TET3: variants seen among roughly 807,000 people sequenced by gnomAD.
TET3 encodes the protein methylcytosine dioxygenase TET3.
A neutral mutation model predicts 141.4 loss-of-function variants in TET3; 19 were observed. The ratio of observed to expected loss-of-function variants is 0.13; its 90% CI spans 0.09 to 0.20. TET3 has a LOEUF of 0.20. TET3 is among the 10% of genes least tolerant of loss of function. The probability of loss-of-function intolerance (pLI) is 1.00; values close to 1 mark genes in which losing one functional copy is unlikely to be tolerated. For missense variants in TET3, 1,874 were observed against 2,356.9 expected (o/e 0.80, Z 4.24); for synonymous variants, 1,043 against 980.9 (o/e 1.06, Z -1.18).
intron 5 of TET3, among the ~76,000 whole-genome samples, chr2:74,076,442 T>TTTTTTTTTTTTTTTTTTTTTG (rs1689511655): frequency 9.5e-5 from 1 of 10,488 alleles, no homozygotes; most frequent in Non-Finnish European, 2.5e-4. Flanking sequence ...TTCCTCTGGG[T>TTTTTTTTTTTTTTTTTTTTTG]TTTTTTTTTT....
chr2:74,035,300 C>A (rs1686986777), intron 3 of TET3, among the ~76,000 whole-genome samples: 1 of 143,712 alleles, frequency 7.0e-6, no homozygotes, highest in Non-Finnish European at 1.5e-5. Flanking sequence ...CCTGTCTCTA[C>A]TAAAAATACA....
At position 73,986,397 on chromosome 2, in the gene TET3, C is replaced by A; in HGVS notation, c.-7C>A. On this transcript the variant is annotated 5_prime_UTR_variant, in exon 2 of 12. Transcript: ENST00000409262. ...CCAGCACCTATGACCCCACCTCTGG[C>A]AGCATCATGAGCCAGTTTCAGGTGC... 8.1e-7 allele frequency: 1 copy of A among 1,232,214 alleles called. No individual in the cohort carries two copies. The allele number at this position is 1,232,214 out of a possible 1,614,324, so 76.3% of individuals were successfully genotyped here. A position where few individuals can be genotyped will look rare whatever the true frequency, so the allele number is the denominator to read the frequency against.
intron 5 of TET3, among the ~76,000 whole-genome samples, chr2:74,074,087 A>C (rs559896627): frequency 1.3e-5 from 2 of 152,298 alleles, no homozygotes; most frequent in Admixed American, 6.5e-5. Flanking sequence ...TACCTCCCCT[A>C]AGAGGAATAT....
In TET3 at chr2:74,047,524, G is replaced by A. The variant is rs749620058; in HGVS notation, c.1607G>A (p.Arg536His). 8.7e-6 allele frequency: 14 copies of A among 1,613,276 alleles called. No homozygotes were observed. The highest frequency in any genetic ancestry group is 1.7e-4 in the Middle Eastern group (1 of 6,060). Residue 536 changes from arginine to histidine, a missense_variant, in exon 4 of 12, where the codon CGC becomes CAC. Arg to His is a conservative substitution (Grantham distance 29). This residue lies in a region of TET3 where 484 missense variants were observed against 462.2 expected (regional missense o/e 1.05). Transcript: ENST00000409262. Reference protein sequence around the residue: ...TALQQHLHHKRSLFLEQVHDT... With the variant: ...TALQQHLHHKHSLFLEQVHDT... ...CTGCAGCAGCACCTCCACCACAAGCGCAGCCTCTTCCTAGAACAGGTGCAC... is the reference window on the plus strand; with the variant it reads ...CTGCAGCAGCACCTCCACCACAAGCACAGCCTCTTCCTAGAACAGGTGCAC...
chr2:74,054,318 G>GA (rs60226570), intron 4 of TET3, among the ~76,000 whole-genome samples: 9,629 of 152,190 alleles, frequency 0.063, 1,028 homozygotes, highest in African/African-American at 0.22. Flanking sequence ...ATAAGAGAAA[G>GA]AATAAGAAAA....
chr2:74,063,995 CTAAG>C (rs1688743686), intron 4 of TET3, among the ~76,000 whole-genome samples: 1 of 151,936 alleles, frequency 6.6e-6, no homozygotes, highest in East Asian at 1.9e-4. Context: ...TGATTACTTT[CTAAG>C]TAAGAAAGCC....
intron 4 of TET3, among the ~76,000 whole-genome samples, chr2:74,069,247 A>G (rs531418667): frequency 1.3e-5 from 2 of 151,614 alleles, no homozygotes; most frequent in African/African-American, 4.8e-5. Flanking sequence ...CTAACACTAC[A>G]CATTGAAAGT....
At chr2:74,028,634 G>A (rs2105280599) in intron 3 of TET3, among the ~76,000 whole-genome samples, 1 of 152,258 alleles carries the variant, frequency 6.6e-6, no homozygotes, top group African/African-American at 2.4e-5. Flanking sequence ...AGCTAGATTG[G>A]TCTTTATAGC....
chr2:74,024,629 C>A (rs2105261252), intron 3 of TET3, among the ~76,000 whole-genome samples: 1 of 152,134 alleles, frequency 6.6e-6, no homozygotes, highest in Non-Finnish European at 1.5e-5. Context: ...GTTCTGGAGC[C>A]CCTCCTGCCT....
At chr2:74,094,942 G>A (rs1389299598) in intron 10 of TET3, among the ~76,000 whole-genome samples, 4 of 152,182 alleles carry the variant, frequency 2.6e-5, no homozygotes, top group Admixed American at 1.3e-4. Context: ...TGGAGAGCAC[G>A]TGGTTTATAG....
intron 4 of TET3, among the ~76,000 whole-genome samples, chr2:74,052,097 G>A (rs956205150): frequency 5.9e-5 from 9 of 151,980 alleles, no homozygotes; most frequent in African/African-American, 1.7e-4. Flanking sequence ...CTCATGCCTC[G>A]ACCTCCCGAG....
At chr2:74,099,633 C>A in intron 11 of TET3, 21 bp downstream of exon 11, 1 of 1,525,988 alleles carries the variant, frequency 6.6e-7, no homozygotes, top group East Asian at 2.4e-5. Context: ...GGAGGGTGCC[C>A]GCTTGGAGTC....
intron 3 of TET3, among the ~76,000 whole-genome samples, chr2:74,043,129 G>A (rs558571251): frequency 6.6e-6 from 1 of 152,124 alleles, no homozygotes; most frequent in Admixed American, 6.5e-5. Context: ...CTACTCTCGG[G>A]TGTTTCTTCT....
At chr2:74,025,104 G>T (rs1028835288) in intron 3 of TET3, among the ~76,000 whole-genome samples, 1 of 150,686 alleles carries the variant, frequency 6.6e-6, no homozygotes, top group African/African-American at 2.4e-5. Flanking sequence ...GGTGCCTGTG[G>T]TCCCAGCTGC....
At chr2:74,052,011 G>C (rs963462129) in intron 4 of TET3, among the ~76,000 whole-genome samples, 1 of 152,146 alleles carries the variant, frequency 6.6e-6, no homozygotes, top group African/African-American at 2.4e-5. Flanking sequence ...CATGCTTCTC[G>C]CTCTGTTGCC....
intron 5 of TET3, among the ~76,000 whole-genome samples, chr2:74,076,452 T>G (rs982534559): frequency 5.6e-5 from 8 of 142,246 alleles, no homozygotes; most frequent in African/African-American, 8.2e-5. Context: ...TTTTTTTTTT[T>G]TTTTTTTTTT....
Position 74,047,432 on chromosome 2 carries a change from T to A in TET3, c.1515T>A (p.Pro505=). The A allele has an allele frequency of 6.2e-7, 1 of 1,609,220 alleles. No individual in the cohort carries two copies. Among genetic ancestry groups the A allele is most frequent in the South Asian group, 1.1e-5 (1 of 90,942 alleles). ...CCTCCCCGGCCCCGGCCCCATCCCC[T>A]GTACTTCAGAGGGAGGCTCCCACGC... The part of the protein sequence containing the change: ...PSSSPAPAPS[P]VLQREAPTPS... The change falls in exon 4 of 12, where the codon CCT becomes CCA. Residue 505 remains proline, a synonymous_variant. Coordinates refer to ENST00000409262, the MANE Select transcript of TET3 (RefSeq NM_001287491.2).
intron 3 of TET3, among the ~76,000 whole-genome samples, chr2:74,013,064 G>A (rs1304803008): frequency 6.7e-6 from 1 of 149,812 alleles, no homozygotes; most frequent in Non-Finnish European, 1.5e-5. Flanking sequence ...GCATGATCTC[G>A]GCTCACTACA....
At chr2:74,051,788 A>T (rs929942989) in intron 4 of TET3, among the ~76,000 whole-genome samples, 1 of 152,240 alleles carries the variant, frequency 6.6e-6, no homozygotes, top group African/African-American at 2.4e-5. Context: ...GGTCATACAA[A>T]CTAGTGAAAG....
Sources: allele counts gnomAD v4.1 joint callset (sites outside exome capture counted in the v4.1 genomes callset), GRCh38; gene constraint gnomAD v4.1.1; regional missense constraint gnomAD v4.1.1; transcripts MANE v1.5; gene names NCBI Gene and HGNC (gene_info 2026-07-23, HGNC 2026-07-21).